FAM98B: variants seen among roughly 807,000 people sequenced by gnomAD.
FAM98B encodes the protein tRNA-splicing ligase complex subunit FAM98B.
In FAM98B, 32 loss-of-function variants were observed where a neutral mutation model predicts 43.9. That is an observed-to-expected ratio of 0.73 (90% confidence interval 0.55 to 0.98). The LOEUF (loss-of-function observed/expected upper bound fraction) is 0.98, where lower values mean the gene tolerates loss of function less well. Ranked by LOEUF, FAM98B falls within the 50% of genes least tolerant of loss-of-function variation. FAM98B has a pLI of 0.00. For synonymous variants in FAM98B, 190 were observed against 174.0 expected (o/e 1.09, Z -0.72); for missense variants, 514 against 522.9 (o/e 0.98, Z 0.17).
chr15:38,473,974 A>G (rs1451017163), intron 5 of FAM98B, among the ~76,000 whole-genome samples: 1 of 152,170 alleles, frequency 6.6e-6, no homozygotes, highest in Non-Finnish European at 1.5e-5. Flanking sequence ...TTTAATTTGT[A>G]TGTTTAATGT....
At chr15:38,475,947 C>T (rs1273643134) in intron 6 of FAM98B, among the ~76,000 whole-genome samples, 1 of 152,086 alleles carries the variant, frequency 6.6e-6, no homozygotes, top group Non-Finnish European at 1.5e-5. Context: ...CTCTCAGAAA[C>T]TTGCATCCAC....
intron 1 of FAM98B, 65 bp from the exon 2 acceptor site, chr15:38,463,967 A>G: frequency 7.0e-7 from 1 of 1,435,048 alleles, no homozygotes. Context: ...CTTGACACAG[A>G]GTGTTGGAGG....
chr15:38,484,418 G>A lies in FAM98B; in HGVS notation c.1061G>A (p.Gly354Asp). 2.6e-6 allele frequency: 2 copies of A among 764,572 alleles called. No homozygotes were observed. Among genetic ancestry groups the A allele is most frequent in the Non-Finnish European group, 3.2e-6 (2 of 629,466 alleles). 47.4% of individuals were successfully genotyped at this position (764,572 alleles called of 1,614,324 possible). The change falls in exon 8 of 8, where the codon GGT becomes GAT. Residue 354 changes from glycine (G) to aspartate (D), a missense_variant. This residue lies in a region of FAM98B where 469 missense variants were observed against 451.8 expected (regional missense o/e 1.04). Transcript: ENST00000397609. ...GGTAGAGGAGGTGGTGGGGGTGGGG[G>A]TGGGAGAGGTGGCTGGGGGGGTGGA... ...GGGRGGGGGGGGRGGWGGGGG... is the reference protein window; with the variant it reads ...GGGRGGGGGGDGRGGWGGGGG...
intron 4 of FAM98B, among the ~76,000 whole-genome samples, chr15:38,471,613 A>G (rs1376383597): frequency 6.6e-6 from 1 of 152,120 alleles, no homozygotes; most frequent in Non-Finnish European, 1.5e-5. Flanking sequence ...GGTAGTTGTT[A>G]CTATGGCCAT....
chr15:38,464,016 ATTTCTTCCTTTC>A lies in FAM98B; in HGVS notation c.72-14_72-3del. On this transcript the variant is annotated splice_polypyrimidine_tract_variant and splice_region_variant and intron_variant, in intron 1 of 7. Coordinates refer to ENST00000397609, the MANE Select transcript of FAM98B (RefSeq NM_173611.4). ...TTGGCTTATTTAGTTTTTAACTTGT[ATTTCTTCCTTTC>A]TAGGTATAAAGGACCATTGTTAGAA... 6.3e-7 allele frequency: 1 copy of A among 1,579,784 alleles called. No individual in the cohort carries two copies.
intron 1 of FAM98B, chr15:38,459,204 A>G: frequency 2.3e-6 from 1 of 433,450 alleles, no homozygotes; most frequent in Admixed American, 2.5e-5. Context: ...GCTGGGCTTA[A>G]AGATGCACAA....
chr15:38,477,761 C>G (rs1027593377), intron 6 of FAM98B, among the ~76,000 whole-genome samples: 1 of 152,168 alleles, frequency 6.6e-6, no homozygotes, highest in Non-Finnish European at 1.5e-5. Flanking sequence ...AAGCCTGATT[C>G]ACTTCTGCAT....
Position 38,477,203 on chromosome 15 carries a change from A to G in FAM98B, c.729+2905A>G, listed in dbSNP as rs544656599. Among the ~76,000 whole-genome samples, 108 of 115,538 alleles carry G rather than the reference A, an allele frequency of 9.3e-4. 5 individuals carry two copies. In the South Asian group the frequency reaches 0.021, roughly 22 times the overall value. 75.8% of individuals were successfully genotyped at this position (115,538 alleles called of 152,430 possible). A position where few individuals can be genotyped will look rare whatever the true frequency, so the allele number is the denominator to read the frequency against. On this transcript the variant is annotated intron_variant, in intron 6 of 7. Coordinates refer to ENST00000397609, the MANE Select transcript of FAM98B (RefSeq NM_173611.4). ...CTACAGTCGTTATTAGGGATGGTTA[A>G]TGTCAGGTTTTGGAGCTGGCCGATG...
rs1186580167 is a variant in FAM98B at position 38,485,051 on chromosome 15, A to G, written c.*392A>G. On this transcript the variant is annotated 3_prime_UTR_variant, in exon 8 of 8. Transcript: ENST00000397609. ...AGACATATAAAAGACCCCACCTGTA[A>G]TAGAAAGGAATATAGACCCTTGCCT... is the stretch of plus-strand genomic sequence containing the variant. 6.2e-6 allele frequency: 1 copy of G among 162,378 alleles called. No individual in the cohort carries two copies. The highest frequency in any genetic ancestry group is 1.3e-5 in the Non-Finnish European group (1 of 75,488). The allele number at this position is 162,378 out of a possible 1,614,324, so 10.1% of individuals were successfully genotyped here.
intron 1 of FAM98B, among the ~76,000 whole-genome samples, chr15:38,463,509 AATAAAATAAAAT>A (rs955462498): frequency 1.3e-5 from 2 of 151,268 alleles, no homozygotes; most frequent in African/African-American, 4.8e-5. Context: ...AATAAAATAA[AATAAAATAAAAT>A]AAAATAAAAT....
In FAM98B at chr15:38,485,876, A is replaced by G. The variant is rs927937523; in HGVS notation, c.*1217A>G. 1 of 152,096 alleles carries G rather than the reference A, an allele frequency of 6.6e-6. No individual in the cohort carries two copies. The highest frequency in any genetic ancestry group is 1.5e-5 in the Non-Finnish European group (1 of 68,000). 9.4% of individuals were successfully genotyped at this position (152,096 alleles called of 1,614,324 possible). A position where few individuals can be genotyped will look rare whatever the true frequency, so the allele number is the denominator to read the frequency against. Reference sequence around the variant, plus strand: ...TTTTCTCTTAGTGTAGAAAGTTAAGAGAAAAAGAGCTGGTACCATAAATTT... The same window carrying G: ...TTTTCTCTTAGTGTAGAAAGTTAAGGGAAAAAGAGCTGGTACCATAAATTT... On this transcript the variant is annotated 3_prime_UTR_variant, in exon 8 of 8. Coordinates refer to ENST00000397609, the MANE Select transcript of FAM98B (RefSeq NM_173611.4).
At chr15:38,479,429 A>G (rs923099219) in intron 6 of FAM98B, among the ~76,000 whole-genome samples, 1 of 152,190 alleles carries the variant, frequency 6.6e-6, no homozygotes, top group East Asian at 1.9e-4. Context: ...CCTGGCAACC[A>G]TTACTATAAT....
rs558606844 is a variant in FAM98B, at chr15:38,484,252, C to T, written c.898-3C>T. ...AACTAAAAGAAAATGTTTCTTCACA[C>T]AGGTGCTGATGGGAAGGGTGCCTGA... is the stretch of plus-strand genomic sequence containing the variant. On this transcript the variant is annotated splice_polypyrimidine_tract_variant and splice_region_variant and intron_variant, in intron 7 of 7. Transcript: ENST00000397609. 1.3e-6 allele frequency: 2 copies of T among 1,547,858 alleles called. No individual in the cohort carries two copies. Among genetic ancestry groups the T allele is most frequent in the Non-Finnish European group, 8.7e-7 (1 of 1,145,998 alleles).
chr15:38,473,371 T>C (rs1258476527), intron 4 of FAM98B, 134 bp from the exon 5 acceptor site: 9 of 598,530 alleles, frequency 1.5e-5, no homozygotes, highest in Non-Finnish European at 2.6e-5. Flanking sequence ...GGTATTCTGG[T>C]ATATGATGGT....
chr15:38,454,176 G>A lies in FAM98B; in HGVS notation c.15G>A (p.Glu5=). 1 of 1,601,000 alleles carries A rather than the reference G, an allele frequency of 6.2e-7. No individual in the cohort carries two copies. Among genetic ancestry groups the A allele is most frequent in the Non-Finnish European group, 8.5e-7 (1 of 1,175,220 alleles). MRGP[E]PGPQPTMEGD... ...GCCAAAGGACCATGAGAGGGCCGGAGCCGGGTCCCCAACCGACGATGGAGG... is the reference window on the plus strand; with the variant it reads ...GCCAAAGGACCATGAGAGGGCCGGAACCGGGTCCCCAACCGACGATGGAGG... Residue 5 remains glutamate, a synonymous_variant, in exon 1 of 8, where the codon GAG becomes GAA. Transcript: ENST00000397609.
In FAM98B at chr15:38,481,414, A is replaced by G. The variant is rs765245920; in HGVS notation, c.852A>G (p.Thr284=). The stretch of plus-strand genomic sequence containing the variant: ...AAGATCTATCCAAGATCATTAGGAC[A>G]AGTAGTGGCACCAGCCGGGAGAAGA... ...AREDLSKIIR[T]SSGTSREKTA... The change falls in exon 7 of 8, where the codon ACA becomes ACG. Residue 284 remains threonine, a synonymous_variant. Coordinates refer to ENST00000397609, the MANE Select transcript of FAM98B (RefSeq NM_173611.4). The G allele has an allele frequency of 1.2e-6, 2 of 1,614,204 alleles. No individual in the cohort carries two copies. Among genetic ancestry groups the G allele is most frequent in the South Asian group, 2.2e-5 (2 of 91,076 alleles).
At chr15:38,456,671 A>G (rs1889853635) in intron 1 of FAM98B, among the ~76,000 whole-genome samples, 1 of 152,242 alleles carries the variant, frequency 6.6e-6, no homozygotes, top group Admixed American at 6.5e-5. Context: ...TTAGTGATAG[A>G]TTCCTGAGGA....
chr15:38,462,957 A>G (rs921293841), intron 1 of FAM98B, among the ~76,000 whole-genome samples: 1 of 152,188 alleles, frequency 6.6e-6, no homozygotes, highest in Non-Finnish European at 1.5e-5. Flanking sequence ...CGACTGGCCT[A>G]CCTGAATGGG....
intron 6 of FAM98B, among the ~76,000 whole-genome samples, chr15:38,475,820 G>A (rs1184886605): frequency 6.6e-6 from 1 of 152,100 alleles, no homozygotes; most frequent in East Asian, 1.9e-4. Flanking sequence ...GCTTCTAAAT[G>A]AATTTTATTT....
Sources: gnomAD v4.1 joint callset for allele counts (sites outside exome capture counted in the v4.1 genomes callset) on GRCh38, gnomAD v4.1.1 for gene constraint, gnomAD v4.1.1 regional missense constraint, MANE v1.5 for transcripts, NCBI Gene and HGNC (gene_info 2026-07-23, HGNC 2026-07-21) for gene names.